AGMO: variants seen among roughly 807,000 people sequenced by gnomAD.
AGMO encodes glyceryl-ether monooxygenase.
In AGMO, 75 loss-of-function variants were observed where a neutral mutation model predicts 60.2. That is an observed-to-expected ratio of 1.25 (90% CI 1.03 to 1.51). AGMO has a LOEUF of 1.51. Among genes scored for constraint, AGMO ranks in the 40% most tolerant of loss-of-function variants. The probability of loss-of-function intolerance (pLI) is 0.00; values close to 1 mark genes in which losing one functional copy is unlikely to be tolerated. For missense variants in AGMO, 763 were observed against 525.5 expected (o/e 1.45, Z -4.42); for synonymous variants, 261 against 177.1 (o/e 1.47, Z -3.76).
chr7:15,353,657 G>A (rs957466011), intron 12 of AGMO, among the ~76,000 whole-genome samples: 4 of 152,292 alleles, frequency 2.6e-5, no homozygotes, highest in South Asian at 4.1e-4. Context: ...CAGTATGTGT[G>A]AATCAGAAAT....
intron 3 of AGMO, among the ~76,000 whole-genome samples, chr7:15,529,640 A>ATACTATATATATTC (rs373941684): frequency 1.7e-5 from 1 of 57,364 alleles, no homozygotes; most frequent in African/African-American, 7.0e-5. Flanking sequence ...TAGAATATAT[A>ATACTATATATATTC]TATATACTAT....
chr7:15,557,047 A>G (rs1272396919), intron 2 of AGMO, among the ~76,000 whole-genome samples: 4 of 152,152 alleles, frequency 2.6e-5, no homozygotes, highest in Non-Finnish European at 5.9e-5. Context: ...AAGGTTTGAA[A>G]GAGGCAGCAT....
At chr7:15,412,539 C>A (rs1267981034) in intron 5 of AGMO, among the ~76,000 whole-genome samples, 13 of 151,812 alleles carry the variant, frequency 8.6e-5, no homozygotes, top group Non-Finnish European at 5.9e-5. Context: ...CACTAAGAAA[C>A]CTGATGAAAA....
At chr7:15,383,583 A>C (rs929094157) in intron 10 of AGMO, among the ~76,000 whole-genome samples, 2 of 152,188 alleles carry the variant, frequency 1.3e-5, no homozygotes, top group Non-Finnish European at 2.9e-5. Flanking sequence ...ACTGGTACCT[A>C]ACTAAAATAA....
At chr7:15,464,704 A>G (rs543073784) in intron 3 of AGMO, among the ~76,000 whole-genome samples, 1 of 152,336 alleles carries the variant, frequency 6.6e-6, no homozygotes, top group African/African-American at 2.4e-5. Context: ...CTTGTAGACA[A>G]GACAGCAGTT....
At chr7:15,288,383 C>T (rs1245835837) in intron 12 of AGMO, among the ~76,000 whole-genome samples, 1 of 152,032 alleles carries the variant, frequency 6.6e-6, no homozygotes, top group Non-Finnish European at 1.5e-5. Flanking sequence ...TTATGGTGAG[C>T]AGGAACTGCG....
the AGMO span, among the ~76,000 whole-genome samples, chr7:15,187,090 A>G: frequency 6.6e-6 from 1 of 152,246 alleles, no homozygotes; most frequent in South Asian, 2.1e-4. Flanking sequence ...AAATAAACAA[A>G]TAAGTGAACC....
At chr7:15,417,150 A>G (rs2128493932) in intron 5 of AGMO, among the ~76,000 whole-genome samples, 1 of 152,336 alleles carries the variant, frequency 6.6e-6, no homozygotes, top group East Asian at 1.9e-4. Flanking sequence ...CTTCCCATGC[A>G]GATCAACTGT....
intron 3 of AGMO, among the ~76,000 whole-genome samples, chr7:15,514,683 A>C (rs1289069067): frequency 1.3e-5 from 2 of 152,246 alleles, no homozygotes; most frequent in Non-Finnish European, 2.9e-5. Flanking sequence ...CGTCATATGC[A>C]TAACTACTTA....
At chr7:15,455,728 C>T (rs1315733094) in intron 3 of AGMO, among the ~76,000 whole-genome samples, 1 of 152,074 alleles carries the variant, frequency 6.6e-6, no homozygotes, top group African/African-American at 2.4e-5. Context: ...GGCATTGATA[C>T]AGAGGCTCCT....
chr7:15,530,362 T>G lies in AGMO; in HGVS notation c.409+14410A>C, dbSNP rs192975816. On this transcript the variant is annotated intron_variant, in intron 3 of 12. Coordinates refer to ENST00000342526, the MANE Select transcript of AGMO (RefSeq NM_001004320.2). Reference sequence around the variant, plus strand: ...TATTCTATATACGTATTTCTATATATATATTCTATATACGTATTTCTATAT... The same window carrying G: ...TATTCTATATACGTATTTCTATATAGATATTCTATATACGTATTTCTATAT... 9.3e-3 allele frequency among the ~76,000 whole-genome samples: 1,166 copies of G among 125,466 alleles called. 25 individuals carry two copies. The highest frequency in any genetic ancestry group is 0.03 in the African/African-American group (1,012 of 33,346). 82.3% of individuals were successfully genotyped at this position (125,466 alleles called of 152,430 possible). A position where few individuals can be genotyped will look rare whatever the true frequency, so the allele number is the denominator to read the frequency against.
the AGMO span, among the ~76,000 whole-genome samples, chr7:15,156,221 G>T: frequency 9.8e-5 from 15 of 152,312 alleles, no homozygotes; most frequent in African/African-American, 3.6e-4. Flanking sequence ...AGTATGCACT[G>T]GCAGGGGTCC....
At position 15,209,430 on chromosome 7, in the gene AGMO, T is replaced by C. The variant is rs953019690; in HGVS notation, c.1264-8071A>G. ...GGAAAAAATGCCATGTTTACAGAAA[T>C]CACAGAGATGTCTGGTTTTAAAAAT... is the stretch of plus-strand genomic sequence containing the variant. On this transcript the variant is annotated intron_variant, in intron 12 of 12. Transcript: ENST00000342526. 5.3e-5 allele frequency among the ~76,000 whole-genome samples: 8 copies of C among 152,188 alleles called. No homozygotes were observed. In the South Asian group the frequency reaches 1.5e-3, roughly 28 times the overall value.
downstream of AGMO, among the ~76,000 whole-genome samples, chr7:15,197,489 T>C (rs1432373738): frequency 6.6e-6 from 1 of 152,218 alleles, no homozygotes; most frequent in Non-Finnish European, 1.5e-5. Context: ...AATGCACATA[T>C]TGCTAAATAT....
At chr7:15,225,174 A>T (rs1386980662) in intron 12 of AGMO, among the ~76,000 whole-genome samples, 2 of 151,738 alleles carry the variant, frequency 1.3e-5, no homozygotes, top group African/African-American at 4.8e-5. Context: ...ACATTTTTCC[A>T]TGTGATTGCA....
At chr7:15,253,087 A>G (rs991924425) in intron 12 of AGMO, among the ~76,000 whole-genome samples, 1 of 152,198 alleles carries the variant, frequency 6.6e-6, no homozygotes, top group Non-Finnish European at 1.5e-5. Context: ...ACAAAGATTC[A>G]TTTGCTATTG....
intron 4 of AGMO, among the ~76,000 whole-genome samples, chr7:15,425,374 GTTA>G (rs1213796760): frequency 2.6e-5 from 4 of 151,150 alleles, no homozygotes; most frequent in Non-Finnish European, 5.9e-5. Flanking sequence ...ATGTAATAAT[GTTA>G]TTAATGAGAT....
At chr7:15,539,626 G>A (rs1236636794) in intron 3 of AGMO, among the ~76,000 whole-genome samples, 1 of 152,006 alleles carries the variant, frequency 6.6e-6, no homozygotes, top group Admixed American at 6.6e-5. Flanking sequence ...CTTTATAATG[G>A]AACAATTTAT....
the AGMO span, among the ~76,000 whole-genome samples, chr7:15,169,956 G>A: frequency 6.6e-6 from 1 of 152,230 alleles, no homozygotes; most frequent in Non-Finnish European, 1.5e-5. Context: ...CTGGTTCAGA[G>A]AATTTGGCTT....
Sources: gnomAD v4.1 joint callset for allele counts (sites outside exome capture counted in the v4.1 genomes callset) on GRCh38, gnomAD v4.1.1 for gene constraint, MANE v1.5 for transcripts, NCBI Gene and HGNC (gene_info 2026-07-23, HGNC 2026-07-21) for gene names.